DEPTOR: variants seen among roughly 807,000 people sequenced by gnomAD.
DEPTOR encodes DEP domain containing MTOR interacting protein, also known as DEP domain-containing mTOR-interacting protein.
DEPTOR carries 41 observed loss-of-function variants against 41.6 expected under a neutral mutation model. That is an observed-to-expected ratio of 0.98 (90% CI 0.77 to 1.28). The LOEUF (loss-of-function observed/expected upper bound fraction) is 1.28. Ranked by LOEUF, DEPTOR falls within the 50% of genes most tolerant of loss-of-function variation. The pLI, the probability that DEPTOR is intolerant of heterozygous loss-of-function variation, is 0.00. For missense variants in DEPTOR, 514 were observed against 527.9 expected, an observed-to-expected ratio of 0.97 and a Z score of 0.26; for synonymous variants, 195 against 192.3, an observed-to-expected ratio of 1.01 and a Z score of -0.12.
chr8:119,946,430 TG>T (rs1259713835), intron 3 of DEPTOR, among the ~76,000 whole-genome samples: 2 of 149,616 alleles, frequency 1.3e-5, no homozygotes, highest in Non-Finnish European at 1.5e-5. Flanking sequence ...AAATAGTGTT[TG>T]GTTTTTTTTT....
At chr8:120,022,907 T>G (rs985166620) in intron 8 of DEPTOR, among the ~76,000 whole-genome samples, 1 of 152,166 alleles carries the variant, frequency 6.6e-6, no homozygotes, top group Admixed American at 6.5e-5. Flanking sequence ...TCAAAGCTGA[T>G]CCAACCCAAG....
At chr8:120,040,060 T>A (rs1488737541) in intron 8 of DEPTOR, among the ~76,000 whole-genome samples, 1 of 151,948 alleles carries the variant, frequency 6.6e-6, no homozygotes, top group Non-Finnish European at 1.5e-5. Flanking sequence ...GCCAGGCTGG[T>A]CTCGAACTCC....
At position 120,001,505 on chromosome 8, in the gene DEPTOR, G is replaced by GTTTTT; in HGVS notation, c.605-13_605-9dup. ...GGATGCCAGATAGTCCTCATTGGTTGTTTTTTTTTTTCTCCCCAGTGTCCA... is the reference window on the plus strand; with the variant it reads ...GGATGCCAGATAGTCCTCATTGGTTGTTTTTTTTTTTTTTTTCTCCCCAGTGTCCA... On this transcript the variant is annotated intron_variant, in intron 4 of 8. Transcript: ENST00000286234. 1.6e-6 allele frequency: 2 copies of GTTTTT among 1,224,770 alleles called. No homozygotes were observed. The highest frequency in any genetic ancestry group is 2.2e-6 in the Non-Finnish European group (2 of 891,070). The allele number at this position is 1,224,770 out of a possible 1,614,324, so 75.9% of individuals were successfully genotyped here.
At chr8:120,001,009 G>T (rs546978974) in intron 4 of DEPTOR, among the ~76,000 whole-genome samples, 4 of 151,816 alleles carry the variant, frequency 2.6e-5, no homozygotes, top group Admixed American at 6.6e-5. Flanking sequence ...CCTGGGAGGC[G>T]GAGGTTGCAG....
At chr8:120,020,200 T>C (rs1337796755) in intron 8 of DEPTOR, among the ~76,000 whole-genome samples, 1 of 152,114 alleles carries the variant, frequency 6.6e-6, no homozygotes, top group Non-Finnish European at 1.5e-5. Context: ...CGATCTTCCT[T>C]CCTCAGCCTC....
intron 1 of DEPTOR, among the ~76,000 whole-genome samples, chr8:119,927,417 G>C (rs924788540): frequency 2.0e-5 from 3 of 151,794 alleles, no homozygotes; most frequent in Non-Finnish European, 4.4e-5. Context: ...TGCTCAAATA[G>C]AGTTGTTTGT....
rs192966456 is a variant in DEPTOR at position 119,917,714 on chromosome 8, A to G, written c.123-10686A>G. ...GACCTTTCCCCAGCCCAACACCCGT[A>G]AAGGGTCTGTGCTGAGGAGGATTAG... On this transcript the variant is annotated intron_variant, in intron 1 of 8. Coordinates refer to ENST00000286234, the MANE Select transcript of DEPTOR (RefSeq NM_022783.4). 4.8e-3 allele frequency among the ~76,000 whole-genome samples: 728 copies of G among 152,308 alleles called. 6 individuals carry two copies. Among genetic ancestry groups the G allele is most frequent in the African/African-American group, 0.016 (664 of 41,564 alleles).
At chr8:120,045,529 C>T (rs979886503) in intron 8 of DEPTOR, among the ~76,000 whole-genome samples, 1 of 152,064 alleles carries the variant, frequency 6.6e-6, no homozygotes, top group African/African-American at 2.4e-5. Flanking sequence ...TGCCACCACA[C>T]CTGGCTAATT....
At chr8:119,922,195 C>T (rs147212083) in intron 1 of DEPTOR, among the ~76,000 whole-genome samples, 116 of 149,430 alleles carry the variant, frequency 7.8e-4, no homozygotes, top group African/African-American at 2.6e-3. Flanking sequence ...GCCAAGATGG[C>T]GCCATTGCAC....
intron 8 of DEPTOR, among the ~76,000 whole-genome samples, chr8:120,042,476 A>C (rs1162429095): frequency 1.3e-5 from 2 of 152,226 alleles, no homozygotes; most frequent in Non-Finnish European, 2.9e-5. Context: ...CAGACCACTT[A>C]GGGACAGATG....
At chr8:119,880,641 T>C (rs1252816423) in intron 1 of DEPTOR, among the ~76,000 whole-genome samples, 1 of 152,254 alleles carries the variant, frequency 6.6e-6, no homozygotes, top group Non-Finnish European at 1.5e-5. Flanking sequence ...GAAAATCTGA[T>C]TTATTCCTGT....
At chr8:119,928,356 G>A (rs1827989605) in intron 1 of DEPTOR, 44 bp from the exon 2 acceptor site, 2 of 1,589,480 alleles carry the variant, frequency 1.3e-6, no homozygotes, top group Non-Finnish European at 1.7e-6. Context: ...AATAATTTGT[G>A]CTGTCATCAG....
intron 1 of DEPTOR, among the ~76,000 whole-genome samples, chr8:119,907,580 G>A (rs1274773762): frequency 6.6e-6 from 1 of 152,138 alleles, no homozygotes; most frequent in Non-Finnish European, 1.5e-5. Context: ...CGAGGCAGGT[G>A]GATCAAGTTT....
intron 8 of DEPTOR, among the ~76,000 whole-genome samples, chr8:120,013,113 C>T (rs1286944717): frequency 6.8e-6 from 1 of 147,114 alleles, no homozygotes; most frequent in East Asian, 2.0e-4. Context: ...GCCAAGATTG[C>T]ACCATTGCAC....
intron 1 of DEPTOR, among the ~76,000 whole-genome samples, chr8:119,905,782 A>G (rs536301768): frequency 1.8e-4 from 28 of 152,100 alleles, no homozygotes; most frequent in African/African-American, 6.7e-4. Context: ...AGCTTGGACT[A>G]CAGGAACATG....
intron 6 of DEPTOR, among the ~76,000 whole-genome samples, chr8:120,004,509 G>A (rs527535793): frequency 6.6e-6 from 1 of 152,144 alleles, no homozygotes; most frequent in Non-Finnish European, 1.5e-5. Flanking sequence ...TCAATAAAAG[G>A]GTCAGTGGTG....
chr8:120,047,946 TGAGGTGG>T (rs1227283486), intron 8 of DEPTOR, among the ~76,000 whole-genome samples: 2 of 151,072 alleles, frequency 1.3e-5, no homozygotes, highest in African/African-American at 2.4e-5. Flanking sequence ...CTCGGGAGGC[TGAGGTGG>T]GAGGATCGCT....
At chr8:119,928,750 T>C (rs1174067886) in intron 2 of DEPTOR, among the ~76,000 whole-genome samples, 172 bp downstream of exon 2, 1 of 150,292 alleles carries the variant, frequency 6.7e-6, no homozygotes, top group African/African-American at 2.4e-5. Context: ...TTTCTTTTTT[T>C]TTTTTTTTTT....
chr8:119,887,900 A>T (rs759324302), intron 1 of DEPTOR, among the ~76,000 whole-genome samples: 10 of 151,448 alleles, frequency 6.6e-5, no homozygotes, highest in Non-Finnish European at 1.2e-4. Context: ...AGCACACTGC[A>T]CCCTTAACCC....
Sources: allele counts gnomAD v4.1 joint callset (sites outside exome capture counted in the v4.1 genomes callset), GRCh38; gene constraint gnomAD v4.1.1; transcripts MANE v1.5; gene names NCBI Gene and HGNC (gene_info 2026-07-23, HGNC 2026-07-21).